The following CNOT2 variants were observed in gnomAD, a reference collection of about 807,000 sequenced individuals.
The protein encoded by CNOT2 is CCR4-NOT transcription complex subunit 2.
Under a neutral mutation model 72.1 loss-of-function variants are expected in CNOT2, and 7 were observed. That is an observed-to-expected ratio of 0.10 (90% CI 0.06 to 0.18). CNOT2 has a LOEUF of 0.18. Among genes scored for constraint, CNOT2 ranks in the 10% least tolerant of loss-of-function variants. The pLI, the probability that CNOT2 is intolerant of heterozygous loss-of-function variation, is 1.00. For missense variants in CNOT2, 345 were observed against 660.3 expected (o/e 0.52, Z 5.23); for synonymous variants, 196 against 225.6 (o/e 0.87, Z 1.17).
At chr12:70,306,184 G>A (rs184578676) in intron 2 of CNOT2, among the ~76,000 whole-genome samples, 9 of 152,112 alleles carry the variant, frequency 5.9e-5, no homozygotes, top group African/African-American at 9.6e-5. Flanking sequence ...ACGTAGTCTC[G>A]TGGTGTCGGC....
chr12:70,342,724 A>G (rs984158419), intron 13 of CNOT2, among the ~76,000 whole-genome samples: 14 of 152,114 alleles, frequency 9.2e-5, no homozygotes, highest in Non-Finnish European at 1.8e-4. Flanking sequence ...ATCACCTAAA[A>G]TTCTAATTCT....
At chr12:70,263,449 C>T (rs1269926307) in intron 1 of CNOT2, among the ~76,000 whole-genome samples, 1 of 152,022 alleles carries the variant, frequency 6.6e-6, no homozygotes, top group African/African-American at 2.4e-5. Context: ...TTTACATTCT[C>T]CTTGTTCTCC....
chr12:70,348,620 G>A (rs1593294860), intron 15 of CNOT2, among the ~76,000 whole-genome samples: 1 of 152,214 alleles, frequency 6.6e-6, no homozygotes, highest in Admixed American at 6.5e-5. Context: ...GATATTTTCA[G>A]TAAACAGCTA....
chr12:70,278,328 C>T (rs1308625376), intron 2 of CNOT2, 54 bp downstream of exon 2: 18 of 1,302,206 alleles, frequency 1.4e-5, no homozygotes, highest in Middle Eastern at 1.8e-4. Flanking sequence ...TACATTGAAA[C>T]TGTTCAAATG....
intron 1 of CNOT2, among the ~76,000 whole-genome samples, chr12:70,271,928 T>C (rs1279472871): frequency 6.6e-6 from 1 of 152,234 alleles, no homozygotes. Flanking sequence ...CAAAAAATGA[T>C]GTGAAAAGTT....
chr12:70,244,528 A>G (rs562620868), intron 1 of CNOT2, among the ~76,000 whole-genome samples: 3 of 152,188 alleles, frequency 2.0e-5, no homozygotes, highest in Non-Finnish European at 4.4e-5. Flanking sequence ...GCCTGTAGGT[A>G]CGGTATTACT....
chr12:70,311,235 A>G (rs909894704), intron 3 of CNOT2, among the ~76,000 whole-genome samples: 7 of 152,018 alleles, frequency 4.6e-5, no homozygotes, highest in African/African-American at 7.2e-5. Context: ...TCAAATTGGG[A>G]TATGGTAATA....
intron 2 of CNOT2, among the ~76,000 whole-genome samples, chr12:70,301,204 C>T (rs1873895374): frequency 6.6e-6 from 1 of 152,102 alleles, no homozygotes; most frequent in African/African-American, 2.4e-5. Context: ...TAATTGAATG[C>T]CCTTTATTTC....
At chr12:70,347,430 A>G (rs903473799) in intron 15 of CNOT2, among the ~76,000 whole-genome samples, 2 of 152,058 alleles carry the variant, frequency 1.3e-5, no homozygotes, top group Admixed American at 6.6e-5. Flanking sequence ...CAGGAGATCA[A>G]GACCATCCTG....
At chr12:70,270,445 T>C (rs1478203610) in intron 1 of CNOT2, among the ~76,000 whole-genome samples, 1 of 152,158 alleles carries the variant, frequency 6.6e-6, no homozygotes, top group East Asian at 1.9e-4. Flanking sequence ...AATAGTATAC[T>C]ACCACTGTTC....
chr12:70,272,917 T>A (rs1057316616), intron 1 of CNOT2, among the ~76,000 whole-genome samples: 1 of 152,206 alleles, frequency 6.6e-6, no homozygotes, highest in Non-Finnish European at 1.5e-5. Context: ...TACCTGAATC[T>A]GTTCCTGTTT....
At chr12:70,264,802 G>A (rs11536209) in intron 1 of CNOT2, among the ~76,000 whole-genome samples, 6,886 of 152,190 alleles carry the variant, frequency 0.045, 666 homozygotes, top group East Asian at 0.44. Flanking sequence ...AGATACTATA[G>A]ATTCTTGCTA....
At chr12:70,281,833 T>A (rs1000762380) in intron 2 of CNOT2, among the ~76,000 whole-genome samples, 1 of 152,182 alleles carries the variant, frequency 6.6e-6, no homozygotes, top group Non-Finnish European at 1.5e-5. Flanking sequence ...TAAACTCATT[T>A]AAATTAAATA....
At position 70,354,061 on chromosome 12, in the gene CNOT2, G is replaced by C. The variant is rs1883207145; in HGVS notation, c.*146G>C. On this transcript the variant is annotated 3_prime_UTR_variant, in exon 16 of 16. Coordinates refer to ENST00000229195, the MANE Select transcript of CNOT2 (RefSeq NM_014515.7). ...ATCTGGCAATTGGCTTACGCAAAAG[G>C]TCACCATTTGAGGTCCTGCCTTACT... The C allele has an allele frequency of 2.2e-6, 3 of 1,368,178 alleles. No individual in the cohort carries two copies. The African/African-American group carries it at 4.4e-5, about 20-fold the overall frequency. The allele number at this position is 1,368,178 out of a possible 1,614,324, so 84.8% of individuals were successfully genotyped here. A position where few individuals can be genotyped will look rare whatever the true frequency, so the allele number is the denominator to read the frequency against.
At chr12:70,287,880 A>G (rs993971607) in intron 2 of CNOT2, among the ~76,000 whole-genome samples, 4 of 149,690 alleles carry the variant, frequency 2.7e-5, no homozygotes, top group African/African-American at 9.7e-5. Context: ...AGCACTGGGT[A>G]GAAGGGGACA....
intron 1 of CNOT2, among the ~76,000 whole-genome samples, chr12:70,262,543 G>A (rs1958826947): frequency 6.6e-6 from 1 of 152,210 alleles, no homozygotes; most frequent in African/African-American, 2.4e-5. Context: ...CCAAAGTGCT[G>A]GGATTATAGG....
At chr12:70,339,938 A>G (rs550230301) in intron 11 of CNOT2, among the ~76,000 whole-genome samples, 2 of 152,284 alleles carry the variant, frequency 1.3e-5, no homozygotes, top group South Asian at 4.1e-4. Context: ...TCTACTTACA[A>G]CACATTTTCA....
At chr12:70,331,545 A>G (rs1034068368) in intron 6 of CNOT2, 8 of 151,836 alleles carry the variant, frequency 5.3e-5, no homozygotes, top group South Asian at 4.1e-4. Context: ...TAAATTGTCA[A>G]TGTAACATGG....
At chr12:70,312,256 T>C (rs1295826719) in intron 3 of CNOT2, among the ~76,000 whole-genome samples, 1 of 151,990 alleles carries the variant, frequency 6.6e-6, no homozygotes, top group Non-Finnish European at 1.5e-5. Context: ...GTATTGACCT[T>C]GTAAATAAAG....
Sources: gnomAD v4.1 joint callset for allele counts (sites outside exome capture counted in the v4.1 genomes callset) on GRCh38, gnomAD v4.1.1 for gene constraint, MANE v1.5 for transcripts, NCBI Gene and HGNC (gene_info 2026-07-23, HGNC 2026-07-21) for gene names.